The following TTC27 variants were observed in gnomAD, a reference collection of about 807,000 sequenced individuals.
The protein encoded by TTC27 is tetratricopeptide repeat protein 27.
Under a neutral mutation model 115.9 loss-of-function variants are expected in TTC27, and 79 were observed. The observed-to-expected ratio is 0.68, with a 90% CI of 0.57 to 0.82. TTC27 has a LOEUF of 0.82. Ranked by LOEUF, TTC27 falls within the 40% of genes least tolerant of loss-of-function variation. The pLI is 0.00. For missense variants in TTC27, 1,054 were observed against 993.1 expected (o/e 1.06, Z -0.82); for synonymous variants, 401 against 356.0 (o/e 1.13, Z -1.42).
At chr2:32,675,376 T>C (rs1003488425) in intron 8 of TTC27, among the ~76,000 whole-genome samples, 9 of 152,238 alleles carry the variant, frequency 5.9e-5, no homozygotes, top group African/African-American at 2.2e-4. Context: ...ACTATAGCTA[T>C]ATTGAGGTAA....
At chr2:32,800,804 G>A (rs1670902803) in intron 16 of TTC27, among the ~76,000 whole-genome samples, 2 of 152,182 alleles carry the variant, frequency 1.3e-5, no homozygotes, top group African/African-American at 4.8e-5. Flanking sequence ...CTGGTCACAA[G>A]TACTGTTTAA....
At chr2:32,777,118 C>G (rs1374421426) in intron 13 of TTC27, among the ~76,000 whole-genome samples, 1 of 152,140 alleles carries the variant, frequency 6.6e-6, no homozygotes, top group Non-Finnish European at 1.5e-5. Context: ...CCTCCTTTTT[C>G]TAAATTAATT....
chr2:32,649,932 A>G (rs528169231), intron 4 of TTC27, among the ~76,000 whole-genome samples, 199 bp from the exon 5 acceptor site: 115 of 152,154 alleles, frequency 7.6e-4, no homozygotes, highest in African/African-American at 2.6e-3. Context: ...GTTTGAGAGG[A>G]TGGAGGTGAG....
chr2:32,630,500 C>A, intron 1 of TTC27, 23 bp from the exon 2 acceptor site: 1 of 1,553,882 alleles, frequency 6.4e-7, no homozygotes, highest in Non-Finnish European at 8.7e-7. Flanking sequence ...TTTGGATTAC[C>A]GCACTAATTT....
intron 16 of TTC27, among the ~76,000 whole-genome samples, chr2:32,807,930 T>C (rs1310078118): frequency 7.0e-6 from 1 of 143,230 alleles, no homozygotes; most frequent in Non-Finnish European, 1.5e-5. Context: ...CTTGCCCTCT[T>C]TTTTTTTTTT....
intron 10 of TTC27, among the ~76,000 whole-genome samples, chr2:32,714,070 C>T (rs936626231): frequency 6.6e-6 from 1 of 151,956 alleles, no homozygotes; most frequent in Non-Finnish European, 1.5e-5. Flanking sequence ...GCCTCTGGCT[C>T]CATCTTTGTT....
chr2:32,652,283 A>G (rs1462151268), intron 5 of TTC27, among the ~76,000 whole-genome samples: 2 of 152,194 alleles, frequency 1.3e-5, no homozygotes, highest in Non-Finnish European at 2.9e-5. Context: ...AGGCAGGAGA[A>G]TGGTGTGAAC....
chr2:32,657,918 C>T (rs1665389029), intron 5 of TTC27, among the ~76,000 whole-genome samples: 1 of 152,212 alleles, frequency 6.6e-6, no homozygotes, highest in Non-Finnish European at 1.5e-5. Context: ...CAGCCTCCAC[C>T]TTCGGGGTTC....
intron 12 of TTC27, among the ~76,000 whole-genome samples, chr2:32,745,166 CTA>C (rs1668778706): frequency 6.9e-6 from 1 of 144,808 alleles, no homozygotes; most frequent in Admixed American, 6.9e-5. Context: ...TATGTTAAAA[CTA>C]TTTTGGTTGT....
chr2:32,672,586 T>C (rs1666051945), intron 8 of TTC27, among the ~76,000 whole-genome samples: 1 of 152,224 alleles, frequency 6.6e-6, no homozygotes, highest in Non-Finnish European at 1.5e-5. Flanking sequence ...ATATCTATTC[T>C]TCTGTTTCCT....
In TTC27 at chr2:32,657,701, C is replaced by T. The variant is rs1367407821; in HGVS notation, c.641-6602C>T. ...GCATCAGCTCTGCACCTTTATCCTT[C>T]CCCTAAAAACTTTTTCATACCCCTT... On this transcript the variant is annotated intron_variant, in intron 5 of 19. Coordinates refer to ENST00000317907, the MANE Select transcript of TTC27 (RefSeq NM_017735.5). 2.6e-5 allele frequency among the ~76,000 whole-genome samples: 4 copies of T among 152,206 alleles called. No homozygotes were observed. The East Asian group carries it at 7.7e-4, about 29-fold the overall frequency.
intron 16 of TTC27, among the ~76,000 whole-genome samples, chr2:32,789,201 T>C (rs183482515): frequency 1.3e-5 from 2 of 152,332 alleles, no homozygotes; most frequent in Admixed American, 6.5e-5. Context: ...TTTAGTTAAC[T>C]TAGATGAATT....
At chr2:32,802,924 A>G (rs1301159251) in intron 16 of TTC27, among the ~76,000 whole-genome samples, 1 of 152,170 alleles carries the variant, frequency 6.6e-6, no homozygotes, top group Non-Finnish European at 1.5e-5. Context: ...AGTCTATTCA[A>G]TTTGTTTATT....
chr2:32,785,745 G>A (rs1376696944), intron 15 of TTC27, among the ~76,000 whole-genome samples: 1 of 152,102 alleles, frequency 6.6e-6, no homozygotes, highest in Admixed American at 6.6e-5. Flanking sequence ...ACAGGCATGT[G>A]CCACTATGTC....
At chr2:32,649,804 A>G (rs1665018159) in intron 4 of TTC27, among the ~76,000 whole-genome samples, 1 of 152,102 alleles carries the variant, frequency 6.6e-6, no homozygotes, top group South Asian at 2.1e-4. Flanking sequence ...TCGGCCTCCC[A>G]AAGTGTTGGG....
chr2:32,683,249 A>G (rs1230998272), intron 9 of TTC27, among the ~76,000 whole-genome samples: 1 of 152,088 alleles, frequency 6.6e-6, no homozygotes, highest in Admixed American at 6.6e-5. Flanking sequence ...CCAGCCTCCC[A>G]AAGTGCTGGA....
chr2:32,731,000 A>G (rs974202886), intron 10 of TTC27, among the ~76,000 whole-genome samples: 1 of 152,228 alleles, frequency 6.6e-6, no homozygotes, highest in African/African-American at 2.4e-5. Flanking sequence ...GTTGTCATGC[A>G]TAAGGCAGGA....
intron 5 of TTC27, among the ~76,000 whole-genome samples, chr2:32,656,211 A>G (rs1572482265): frequency 6.6e-6 from 1 of 152,276 alleles, no homozygotes; most frequent in African/African-American, 2.4e-5. Flanking sequence ...TGTGTTCCAG[A>G]CACTGCGCTA....
intron 5 of TTC27, 32 bp downstream of exon 5, chr2:32,650,265 T>C: frequency 8.4e-6 from 13 of 1,545,096 alleles, no homozygotes; most frequent in Non-Finnish European, 1.2e-5. Context: ...GATATGGGCA[T>C]GTAGCTCAGT....
Sources: gnomAD v4.1 joint callset for allele counts (sites outside exome capture counted in the v4.1 genomes callset) on GRCh38, gnomAD v4.1.1 for gene constraint, MANE v1.5 for transcripts, NCBI Gene and HGNC (gene_info 2026-07-23, HGNC 2026-07-21) for gene names.